POM121: variants seen among roughly 807,000 people sequenced by gnomAD.
The protein encoded by POM121 is nuclear envelope pore membrane protein POM 121.
Under a neutral mutation model 81.3 loss-of-function variants are expected in POM121, and 32 were observed. The observed-to-expected ratio is 0.39, with a 90% confidence interval of 0.30 to 0.53. POM121 has a LOEUF of 0.53. Among genes scored for constraint, POM121 ranks in the 20% least tolerant of loss-of-function variants. POM121 has a pLI of 0.66. For missense variants in POM121, 1,138 were observed against 1,614.6 expected (o/e 0.70, Z 5.06); for synonymous variants, 514 against 694.2 (o/e 0.74, Z 4.08).
intron 3 of POM121, among the ~76,000 whole-genome samples, chr7:72,897,905 G>C (rs1554491953): frequency 2.6e-5 from 4 of 152,168 alleles, no homozygotes; most frequent in Non-Finnish European, 5.9e-5. Context: ...TGTAGTCCCA[G>C]GGACTTGGGA....
intron 3 of POM121, among the ~76,000 whole-genome samples, chr7:72,927,386 GT>G (rs1795565523): frequency 6.6e-6 from 1 of 152,176 alleles, no homozygotes; most frequent in Non-Finnish European, 1.5e-5. Flanking sequence ...GAAAACTAGA[GT>G]TTGGTAGATT....
intron 4 of POM121, among the ~76,000 whole-genome samples, chr7:72,917,803 C>A (rs1401697735): frequency 1.3e-5 from 2 of 152,180 alleles, no homozygotes; most frequent in Non-Finnish European, 2.9e-5. Context: ...ACCACTACCA[C>A]CAATGCGCAG....
upstream of POM121, among the ~76,000 whole-genome samples, chr7:72,923,202 G>T (rs1794989798): frequency 6.6e-6 from 1 of 151,260 alleles, no homozygotes; most frequent in South Asian, 2.1e-4. Context: ...CTGGGTTGGG[G>T]AGGATCTGGA....
chr7:72,909,837 A>G (rs1354865822), intron 3 of POM121, among the ~76,000 whole-genome samples: 1 of 152,096 alleles, frequency 6.6e-6, no homozygotes, highest in Non-Finnish European at 1.5e-5. Context: ...AGTAGAGACA[A>G]GGTCTCACTC....
At chr7:72,914,489 GTCTT>G in intron 4 of POM121, among the ~76,000 whole-genome samples, 1 of 147,454 alleles carries the variant, frequency 6.8e-6, no homozygotes, top group East Asian at 2.0e-4. Context: ...ATGAGACTGT[GTCTT>G]TTTTTTTTTT....
Position 72,947,968 on chromosome 7 carries a change from A to G in POM121, c.*1734A>G. On this transcript the variant is annotated 3_prime_UTR_variant, in exon 13 of 13. Coordinates refer to ENST00000434423, the MANE Select transcript of POM121 (RefSeq NM_001387691.1). ...TGCAGCTGAGGAGGGAGTGAACCTC[A>G]AGCCTAAATACCTGTTAGGATTGGA... 6 of 1,065,058 alleles carry G rather than the reference A, an allele frequency of 5.6e-6. No homozygotes were observed. Among genetic ancestry groups the G allele is most frequent in the Non-Finnish European group, 5.7e-6 (5 of 877,226 alleles). 66.0% of individuals were successfully genotyped at this position (1,065,058 alleles called of 1,614,324 possible).
chr7:72,900,899 T>G (rs1338149723), intron 3 of POM121, among the ~76,000 whole-genome samples: 1 of 144,302 alleles, frequency 6.9e-6, no homozygotes, highest in Non-Finnish European at 1.5e-5. Flanking sequence ...GATTCTTAAG[T>G]TTTTTTTTTT....
At chr7:72,886,108 G>C (rs1554489994) in intron 1 of POM121, among the ~76,000 whole-genome samples, 2 of 151,948 alleles carry the variant, frequency 1.3e-5, no homozygotes, top group South Asian at 4.1e-4. Context: ...TTTACAGGTG[G>C]TATCAGTGCC....
At chr7:72,945,517 C>T in intron 11 of POM121, 69 bp from the exon 12 acceptor site, 4 of 1,593,282 alleles carry the variant, frequency 2.5e-6, no homozygotes, top group Non-Finnish European at 3.4e-6. Flanking sequence ...GGAGCACAGG[C>T]TCCTGCCCGG....
chr7:72,946,198 A>G lies in POM121; in HGVS notation c.3714A>G (p.Arg1238=). 1 of 1,611,760 alleles carries G rather than the reference A, an allele frequency of 6.2e-7. No homozygotes were observed. Among genetic ancestry groups the G allele is most frequent in the African/African-American group, 1.3e-5 (1 of 74,922 alleles). ...CCAAGACCCCAGGGGCTCGACAGCG[A>G]CTGCAGGCCCGAAGGCAGCACACCC... ...AGSKTPGARQ[R]LQARRQHTRK... The change falls in exon 13 of 13, where the codon CGA becomes CGG. Residue 1238 remains arginine (R), a synonymous_variant. Coordinates refer to ENST00000434423, the MANE Select transcript of POM121 (RefSeq NM_001387691.1).
chr7:72,925,144 C>T lies in POM121; in HGVS notation c.23C>T (p.Ala8Val). 2.8e-6 allele frequency: 4 copies of T among 1,451,856 alleles called. No homozygotes were observed. The highest frequency in any genetic ancestry group is 2.9e-5 in the East Asian group (1 of 34,588). The allele number at this position is 1,451,856 out of a possible 1,614,324, so 89.9% of individuals were successfully genotyped here. The part of the protein sequence containing the change: MSPAAAA[A>V]GAGERRRPIA... ...GCGATGTCTCCGGCGGCTGCGGCGG[C>T]TGGAGCAGGCGAGCGGCGGCGGCCC... Residue 8 changes from alanine to valine, a missense_variant, in exon 1 of 13, where the codon GCT becomes GTT. By Grantham distance (64) the Ala-to-Val change is moderately conservative (BLOSUM62 0). This residue lies in a region of POM121 where 646 missense variants were observed against 633.5 expected (regional missense o/e 1.02). Coordinates refer to ENST00000434423, the MANE Select transcript of POM121 (RefSeq NM_001387691.1).
rs1391065081 is a variant in POM121 at position 72,946,593 on chromosome 7, G to A, written c.*359G>A. The A allele has an allele frequency of 9.6e-7, 1 of 1,037,002 alleles. No individual in the cohort carries two copies. Among genetic ancestry groups the A allele is most frequent in the Non-Finnish European group, 1.2e-6 (1 of 863,332 alleles). 64.2% of individuals were successfully genotyped at this position (1,037,002 alleles called of 1,614,324 possible). On this transcript the variant is annotated 3_prime_UTR_variant, in exon 13 of 13. Transcript: ENST00000434423. Reference sequence around the variant, plus strand: ...ACCTTTCCCCGAGACCGTCGTCGCTGGAGGGGGCAGGGTCCAGCCCGCCTG... The same window carrying A: ...ACCTTTCCCCGAGACCGTCGTCGCTAGAGGGGGCAGGGTCCAGCCCGCCTG...
chr7:72,948,944 C>T, downstream of POM121: 2 of 1,609,748 alleles, frequency 1.2e-6, no homozygotes, highest in Non-Finnish European at 1.7e-6. Context: ...TCTTCATTCT[C>T]CTCCTGGCAG....
chr7:72,887,092 A>G (rs1234087459), intron 1 of POM121, among the ~76,000 whole-genome samples: 3 of 151,934 alleles, frequency 2.0e-5, no homozygotes, highest in Admixed American at 6.6e-5. Context: ...TCTCTGTTTC[A>G]TTTTATGTAA....
intron 1 of POM121, among the ~76,000 whole-genome samples, chr7:72,888,675 A>AGT (rs57062510): frequency 0.032 from 4,596 of 143,388 alleles, 73 homozygotes; most frequent in South Asian, 0.068. Flanking sequence ...GAGGCATAAG[A>AGT]GTGTGTGTGT....
rs550443485 is a variant in POM121 at position 72,942,170 on chromosome 7, C to T, written c.2177C>T (p.Pro726Leu). The T allele has an allele frequency of 7.5e-6, 12 of 1,609,332 alleles. No individual in the cohort carries two copies. Among genetic ancestry groups the T allele is most frequent in the African/African-American group, 4.1e-5 (3 of 73,060 alleles). ...GCCCCTGCTGCATCTTCAGCACCTC[C>T]CATGTTCAAGCCCATTTTCACGGCT... Reference protein sequence around the residue: ...PAAPAASSAPPMFKPIFTAPP... With the variant: ...PAAPAASSAPLMFKPIFTAPP... Residue 726 changes from proline (P) to leucine (L), a missense_variant, in exon 11 of 13, where the codon CCC becomes CTC. Around this residue, in one of 7 missense-constraint regions of POM121, gnomAD observed 37 missense variants for 62.8 expected, o/e 0.59. Coordinates refer to ENST00000434423, the MANE Select transcript of POM121 (RefSeq NM_001387691.1).
At chr7:72,915,477 ATTC>A (rs1263722884) in intron 4 of POM121, among the ~76,000 whole-genome samples, 1 of 152,002 alleles carries the variant, frequency 6.6e-6, no homozygotes, top group Non-Finnish European at 1.5e-5. Flanking sequence ...GGTTCAAGCA[ATTC>A]TTCTGCCTCA....
Position 72,942,249 on chromosome 7 carries a change from C to T in POM121, c.2256C>T (p.Ala752=), listed in dbSNP as rs1797156916. Residue 752 remains alanine (A), a synonymous_variant, in exon 11 of 13, where the codon GCC becomes GCT. Transcript: ENST00000434423. The part of the protein sequence containing the change: ...GPTPPGPSVT[A]TAPSSSSLPT... ...CACCGCCTGGCCCTTCAGTCACAGC[C>T]ACAGCGCCCTCCAGCTCCTCCCTCC... 6.2e-7 allele frequency: 1 copy of T among 1,608,504 alleles called. No homozygotes were observed. The highest frequency in any genetic ancestry group is 1.7e-5 in the Admixed American group (1 of 59,928).
intron 3 of POM121, among the ~76,000 whole-genome samples, chr7:72,902,019 G>C (rs1301150753): frequency 6.6e-6 from 1 of 151,828 alleles, no homozygotes; most frequent in East Asian, 2.0e-4. Context: ...GTCTGAGGCA[G>C]GAGAATCACT....
Sources: allele counts gnomAD v4.1 joint callset (sites outside exome capture counted in the v4.1 genomes callset), GRCh38; gene constraint gnomAD v4.1.1; regional missense constraint gnomAD v4.1.1; transcripts MANE v1.5; gene names NCBI Gene and HGNC (gene_info 2026-07-23, HGNC 2026-07-21).